The following SLC25A16 variants were observed in gnomAD, a reference collection of about 807,000 sequenced individuals.
The protein encoded by SLC25A16 is mitochondrial coenzyme A transporter SLC25A16.
Under a neutral mutation model 41.5 loss-of-function variants are expected in SLC25A16, and 39 were observed. The ratio of observed to expected loss-of-function variants is 0.94; its 90% CI spans 0.73 to 1.23. The LOEUF is 1.23. SLC25A16 is among the 50% of genes most tolerant of loss of function. The pLI is 0.00. For synonymous variants in SLC25A16, 146 were observed against 147.8 expected (o/e 0.99, Z 0.09); for missense variants, 421 against 426.9 (o/e 0.99, Z 0.12).
At chr10:68,517,725 T>C (rs971297505) in intron 1 of SLC25A16, 3 of 152,106 alleles carry the variant, frequency 2.0e-5, no homozygotes, top group African/African-American at 4.8e-5. Flanking sequence ...TCCCAGCACT[T>C]TGGCAGCTCG....
chr10:68,504,619 C>A (rs972243992), intron 3 of SLC25A16, among the ~76,000 whole-genome samples: 1 of 151,204 alleles, frequency 6.6e-6, no homozygotes, highest in Non-Finnish European at 1.5e-5. Context: ...ACTTGTGATC[C>A]GCCCGCCTCG....
chr10:68,489,893 CTG>C (rs2052627775), intron 6 of SLC25A16, among the ~76,000 whole-genome samples: 1 of 131,402 alleles, frequency 7.6e-6, no homozygotes, highest in South Asian at 2.6e-4. Flanking sequence ...GAGCGAGACT[CTG>C]TCTCAAAAAA....
At chr10:68,523,954 G>T (rs1168669242) in intron 1 of SLC25A16, among the ~76,000 whole-genome samples, 2 of 151,156 alleles carry the variant, frequency 1.3e-5, no homozygotes, top group African/African-American at 2.4e-5. Context: ...TAAAAATTAG[G>T]GCCAGGCACA....
Position 68,503,686 on chromosome 10 carries a change from T to A in SLC25A16, c.367A>T (p.Thr123Ser). 1 of 1,601,126 alleles carries A rather than the reference T, an allele frequency of 6.2e-7. No homozygotes were observed. Among genetic ancestry groups the A allele is most frequent in the Non-Finnish European group, 8.5e-7 (1 of 1,170,016 alleles). The change falls in exon 4 of 9, where the codon ACG becomes TCG. Residue 123 changes from threonine to serine, a missense_variant. Coordinates refer to ENST00000609923, the MANE Select transcript of SLC25A16 (RefSeq NM_152707.4). ...AFEHYKTLIT[T>S]KLGISGHVHR... ...ACATGACCTGAAATTCCCAGCTTCG[T>A]AGTAATTAACTAGAAAACAAGAACA...
At chr10:68,504,898 T>A (rs1399454682) in intron 3 of SLC25A16, among the ~76,000 whole-genome samples, 1 of 152,138 alleles carries the variant, frequency 6.6e-6, no homozygotes, top group African/African-American at 2.4e-5. Flanking sequence ...CAGGCTGGTC[T>A]CAAACTTCCG....
chr10:68,516,645 G>A, intron 2 of SLC25A16, 106 bp downstream of exon 2: 2 of 687,072 alleles, frequency 2.9e-6, no homozygotes, highest in Non-Finnish European at 2.3e-6. Flanking sequence ...AGTTTTTAAA[G>A]AGGAACCTCT....
chr10:68,522,707 C>A (rs1431906361), intron 1 of SLC25A16, among the ~76,000 whole-genome samples: 1 of 150,618 alleles, frequency 6.6e-6, no homozygotes, highest in East Asian at 2.0e-4. Flanking sequence ...CCCAGCTACT[C>A]GGGAGGCTGA....
Position 68,487,126 on chromosome 10 carries a change from G to T in SLC25A16, c.842+18C>A. 1.9e-6 allele frequency: 3 copies of T among 1,593,354 alleles called. No individual in the cohort carries two copies. The highest frequency in any genetic ancestry group is 1.1e-5 in the South Asian group (1 of 90,426). On this transcript the variant is annotated intron_variant, in intron 8 of 8. Transcript: ENST00000609923. ...ACATTTCCTAAAGAAAATGAACAAT[G>T]ACATATGATGAACTTACAGGCACTT... is the stretch of plus-strand genomic sequence containing the variant.
intron 1 of SLC25A16, among the ~76,000 whole-genome samples, chr10:68,524,747 G>A (rs1353300662): frequency 2.0e-5 from 3 of 148,690 alleles, no homozygotes; most frequent in African/African-American, 7.5e-5. Flanking sequence ...GCATGGTGGT[G>A]CACGCCTGTA....
chr10:68,521,447 T>C (rs1590129549), intron 1 of SLC25A16, among the ~76,000 whole-genome samples: 1 of 152,036 alleles, frequency 6.6e-6, no homozygotes, highest in East Asian at 1.9e-4. Context: ...CAGAATCGCT[T>C]GAACCCAAGA....
chr10:68,524,342 G>C (rs1316952747), intron 1 of SLC25A16, among the ~76,000 whole-genome samples: 1 of 122,600 alleles, frequency 8.2e-6, no homozygotes, highest in African/African-American at 3.3e-5. Flanking sequence ...GAGAGATCGA[G>C]ACCATCCTGG....
intron 3 of SLC25A16, among the ~76,000 whole-genome samples, chr10:68,505,214 T>C (rs1184309653): frequency 6.6e-6 from 1 of 152,102 alleles, no homozygotes; most frequent in Non-Finnish European, 1.5e-5. Flanking sequence ...CCGGGGGTGG[T>C]GGCACATGCC....
intron 4 of SLC25A16, among the ~76,000 whole-genome samples, chr10:68,500,298 A>T (rs891429699): frequency 2.0e-5 from 3 of 152,160 alleles, no homozygotes; most frequent in African/African-American, 7.2e-5. Context: ...CAGGAGAAAA[A>T]TATAAATTGT....
At chr10:68,491,043 A>C (rs1348697664) in intron 6 of SLC25A16, among the ~76,000 whole-genome samples, 2 of 151,880 alleles carry the variant, frequency 1.3e-5, no homozygotes, top group Admixed American at 6.6e-5. Flanking sequence ...AGCCTGGCTA[A>C]TTTTAGAAAA....
chr10:68,493,585 G>C lies in SLC25A16; in HGVS notation c.422-15C>G. ...TGCTGTCATACCTGAAAAGAAAGTA[G>C]AAATTTAGAGGTACAATGAATTTTT... On this transcript the variant is annotated splice_polypyrimidine_tract_variant and intron_variant, in intron 4 of 8. Coordinates refer to ENST00000609923, the MANE Select transcript of SLC25A16 (RefSeq NM_152707.4). 6.2e-7 allele frequency: 1 copy of C among 1,603,518 alleles called. No homozygotes were observed. The highest frequency in any genetic ancestry group is 1.1e-5 in the South Asian group (1 of 90,672).
chr10:68,484,590 T>C (rs545738702), intron 8 of SLC25A16, among the ~76,000 whole-genome samples: 12 of 151,978 alleles, frequency 7.9e-5, no homozygotes, highest in African/African-American at 2.9e-4. Context: ...CATGCCTCAC[T>C]AAATTTTTTG....
intron 7 of SLC25A16, among the ~76,000 whole-genome samples, chr10:68,488,125 C>T (rs1031973192): frequency 6.6e-5 from 10 of 152,138 alleles, no homozygotes; most frequent in African/African-American, 1.9e-4. Context: ...GCTGGGATTA[C>T]AGACGTGAGT....
intron 1 of SLC25A16, among the ~76,000 whole-genome samples, chr10:68,519,773 G>T (rs1048264439): frequency 6.6e-6 from 1 of 151,038 alleles, no homozygotes; most frequent in Non-Finnish European, 1.5e-5. Flanking sequence ...AAATTAGCCA[G>T]GTGTGGTGGC....
chr10:68,517,137 A>G (rs1234484527), intron 1 of SLC25A16: 1 of 1,068,298 alleles, frequency 9.4e-7, no homozygotes, highest in Non-Finnish European at 1.1e-6. Context: ...AGACACTTCA[A>G]GGTATTAATC....
Sources: allele counts gnomAD v4.1 joint callset (sites outside exome capture counted in the v4.1 genomes callset), GRCh38; gene constraint gnomAD v4.1.1; transcripts MANE v1.5; gene names NCBI Gene and HGNC (gene_info 2026-07-23, HGNC 2026-07-21).